The following NLGN1 variants were observed in gnomAD, a reference collection of about 807,000 sequenced individuals.
NLGN1 encodes the protein neuroligin 1.
NLGN1 carries 12 observed loss-of-function variants against 65.5 expected under a neutral mutation model. The observed-to-expected ratio is 0.18, with a 90% CI of 0.12 to 0.30. The LOEUF (loss-of-function observed/expected upper bound fraction) is 0.30, where lower values mean the gene tolerates loss of function less well. Ranked by LOEUF, NLGN1 falls within the 10% of genes least tolerant of loss-of-function variation. The probability of loss-of-function intolerance (pLI) is 1.00; values close to 1 mark genes in which losing one functional copy is unlikely to be tolerated. For missense variants in NLGN1, 750 were observed against 1,007.1 expected (o/e 0.74, Z 3.46); for synonymous variants, 350 against 359.5 (o/e 0.97, Z 0.30).
chr3:173,641,658 G>A (rs1757438878), intron 3 of NLGN1, among the ~76,000 whole-genome samples: 1 of 152,108 alleles, frequency 6.6e-6, no homozygotes, highest in South Asian at 2.1e-4. Context: ...CTGAAATTAA[G>A]GCATTTCCTA....
intron 4 of NLGN1, among the ~76,000 whole-genome samples, chr3:173,909,725 G>A (rs1340539058): frequency 6.6e-6 from 1 of 152,074 alleles, no homozygotes; most frequent in Non-Finnish European, 1.5e-5. Context: ...TGTTGCCCAG[G>A]CTGGAGTGCA....
chr3:173,844,446 A>T (rs1384949263), intron 4 of NLGN1, among the ~76,000 whole-genome samples: 1 of 152,172 alleles, frequency 6.6e-6, no homozygotes, highest in African/African-American at 2.4e-5. Context: ...GCATATTTTT[A>T]TGAAAATTTT....
chr3:173,865,516 A>G (rs1729966920), intron 4 of NLGN1, among the ~76,000 whole-genome samples: 1 of 152,166 alleles, frequency 6.6e-6, no homozygotes, highest in African/African-American at 2.4e-5. Context: ...ATAAATCCCT[A>G]TGATTTCAAA....
chr3:173,929,469 C>A (rs1297117589), intron 4 of NLGN1, among the ~76,000 whole-genome samples: 1 of 151,632 alleles, frequency 6.6e-6, no homozygotes, highest in Non-Finnish European at 1.5e-5. Flanking sequence ...TCAGACCACA[C>A]ACAGAGAGTT....
chr3:173,734,429 C>G (rs1228243309), intron 3 of NLGN1, among the ~76,000 whole-genome samples: 5 of 131,044 alleles, frequency 3.8e-5, no homozygotes, highest in African/African-American at 1.4e-4. Context: ...CAGGGTTTCA[C>G]CCTGTGGCCC....
chr3:173,828,552 A>T (rs1349520571), intron 4 of NLGN1, among the ~76,000 whole-genome samples: 1 of 152,166 alleles, frequency 6.6e-6, no homozygotes, highest in Non-Finnish European at 1.5e-5. Context: ...TTTTTACCTC[A>T]TATTCCAGTG....
intron 4 of NLGN1, among the ~76,000 whole-genome samples, chr3:174,135,985 C>T (rs1437261687): frequency 6.6e-6 from 1 of 152,046 alleles, no homozygotes; most frequent in African/African-American, 2.4e-5. Flanking sequence ...TTTTAAAATT[C>T]TACCTCTCGC....
intron 4 of NLGN1, among the ~76,000 whole-genome samples, chr3:173,995,951 G>A (rs981055410): frequency 1.3e-5 from 2 of 152,144 alleles, no homozygotes; most frequent in Non-Finnish European, 2.9e-5. Flanking sequence ...CTCTGAAAGT[G>A]CTGGGATTAT....
At chr3:173,479,463 C>T (rs181854407) in intron 2 of NLGN1, among the ~76,000 whole-genome samples, 2 of 152,174 alleles carry the variant, frequency 1.3e-5, no homozygotes, top group African/African-American at 2.4e-5. Flanking sequence ...TTATCACAAT[C>T]GTGAAATCTG....
chr3:173,837,920 A>T (rs1263048844), intron 4 of NLGN1, among the ~76,000 whole-genome samples: 1 of 152,166 alleles, frequency 6.6e-6, no homozygotes, highest in Non-Finnish European at 1.5e-5. Flanking sequence ...ACTGATTTGA[A>T]ATTTTTTTGT....
intron 4 of NLGN1, among the ~76,000 whole-genome samples, chr3:174,192,884 C>T (rs1022362049): frequency 2.6e-5 from 4 of 151,990 alleles, no homozygotes; most frequent in Admixed American, 1.3e-4. Context: ...TTTGCATTTC[C>T]ATATATCTGG....
chr3:173,753,944 A>AATAAT (rs151125850), intron 3 of NLGN1, among the ~76,000 whole-genome samples: 2,991 of 116,666 alleles, frequency 0.026, 34 homozygotes, highest in Middle Eastern at 0.032. Flanking sequence ...ATAATATAAT[A>AATAAT]ATAATATAAT....
chr3:173,522,624 G>A (rs986185607), intron 2 of NLGN1, among the ~76,000 whole-genome samples: 5 of 151,906 alleles, frequency 3.3e-5, no homozygotes, highest in African/African-American at 4.8e-5. Context: ...TAGTAGAGAC[G>A]GGGTTTCACC....
At chr3:174,029,117 G>A (rs1025269914) in intron 4 of NLGN1, among the ~76,000 whole-genome samples, 2 of 152,208 alleles carry the variant, frequency 1.3e-5, no homozygotes, top group South Asian at 2.1e-4. Context: ...GCCTACTGGA[G>A]CTGTAAGAAG....
intron 3 of NLGN1, among the ~76,000 whole-genome samples, chr3:173,676,930 C>A (rs946410470): frequency 2.6e-5 from 4 of 152,006 alleles, no homozygotes; most frequent in Non-Finnish European, 5.9e-5. Context: ...TAGCATAACA[C>A]CCTGCAAATG....
intron 1 of NLGN1, among the ~76,000 whole-genome samples, chr3:173,417,800 TATTAA>T (rs1254351823): frequency 6.6e-6 from 1 of 151,968 alleles, no homozygotes; most frequent in Non-Finnish European, 1.5e-5. Context: ...CAATATGAAA[TATTAA>T]ATTAACTATG....
chr3:173,500,682 T>C (rs1331270796), intron 2 of NLGN1, among the ~76,000 whole-genome samples: 1 of 152,054 alleles, frequency 6.6e-6, no homozygotes, highest in Admixed American at 6.6e-5. Flanking sequence ...CATCTGGTCC[T>C]GGACATTTTT....
chr3:173,889,597 T>C (rs182700724), intron 4 of NLGN1, among the ~76,000 whole-genome samples: 2 of 152,240 alleles, frequency 1.3e-5, no homozygotes, highest in African/African-American at 4.8e-5. Flanking sequence ...TGTTTTAAAA[T>C]CCTGTCCAAT....
intron 4 of NLGN1, among the ~76,000 whole-genome samples, chr3:173,851,907 T>A (rs1436863430): frequency 6.6e-6 from 1 of 152,126 alleles, no homozygotes; most frequent in African/African-American, 2.4e-5. Context: ...ACATTTAAAA[T>A]GTTGTCAAAT....
Sources: allele counts gnomAD v4.1 joint callset (sites outside exome capture counted in the v4.1 genomes callset), GRCh38; gene constraint gnomAD v4.1.1; transcripts MANE v1.5; gene names NCBI Gene and HGNC (gene_info 2026-07-23, HGNC 2026-07-21).